KCNT2: variants seen among roughly 807,000 people sequenced by gnomAD.
KCNT2 encodes potassium sodium-activated channel subfamily T member 2.
A neutral mutation model predicts 153.8 loss-of-function variants in KCNT2; 67 were observed. The observed-to-expected ratio is 0.44, with a 90% CI of 0.36 to 0.53. The LOEUF is 0.53. KCNT2 is among the 20% of genes least tolerant of loss of function. KCNT2 has a pLI of 0.00. For synonymous variants in KCNT2, 500 were observed against 458.8 expected, an observed-to-expected ratio of 1.09 and a Z score of -1.15; for missense variants, 975 against 1,354.8, an observed-to-expected ratio of 0.72 and a Z score of 4.40.
At chr1:196,511,001 A>G (rs6690518) in intron 1 of KCNT2, among the ~76,000 whole-genome samples, 149,671 of 152,242 alleles carry the variant, frequency 0.98, 73,620 homozygotes, top group Middle Eastern at 1. Flanking sequence ...AAGTAATTCA[A>G]GATTCTGCAT....
chr1:196,415,301 T>C (rs1348931773), intron 12 of KCNT2, among the ~76,000 whole-genome samples: 1 of 151,846 alleles, frequency 6.6e-6, no homozygotes, highest in Non-Finnish European at 1.5e-5. Context: ...GAGTGTCCTT[T>C]GAGAGAACTG....
At chr1:196,230,289 A>G (rs532493106) in intron 27 of KCNT2, among the ~76,000 whole-genome samples, 65 of 152,144 alleles carry the variant, frequency 4.3e-4, no homozygotes, top group African/African-American at 1.5e-3. Flanking sequence ...TGCTCTGCCT[A>G]TGCTCCAGAA....
At chr1:196,257,187 C>T (rs1045586412) in intron 26 of KCNT2, 8 of 950,532 alleles carry the variant, frequency 8.4e-6, no homozygotes, top group Admixed American at 6.2e-5. Context: ...CAAGAATATA[C>T]ACATAAAGCA....
At chr1:196,485,181 C>A (rs1679321439) in intron 3 of KCNT2, among the ~76,000 whole-genome samples, 1 of 151,934 alleles carries the variant, frequency 6.6e-6, no homozygotes, top group Non-Finnish European at 1.5e-5. Context: ...TCATCCTCAG[C>A]AAACTAACAT....
At chr1:196,593,159 G>A (rs971170127) in intron 1 of KCNT2, among the ~76,000 whole-genome samples, 2 of 150,884 alleles carry the variant, frequency 1.3e-5, no homozygotes, top group South Asian at 4.2e-4. Flanking sequence ...CCACTTATGA[G>A]TGAGAACATA....
intron 1 of KCNT2, among the ~76,000 whole-genome samples, chr1:196,559,881 G>T (rs1659156392): frequency 6.6e-6 from 1 of 151,504 alleles, no homozygotes; most frequent in Non-Finnish European, 1.5e-5. Flanking sequence ...TTTTCTATGT[G>T]TATGTATGTG....
At chr1:196,252,305 T>C (rs778050317) in intron 26 of KCNT2, among the ~76,000 whole-genome samples, 2 of 151,772 alleles carry the variant, frequency 1.3e-5, no homozygotes, top group Non-Finnish European at 3.0e-5. Flanking sequence ...GCAGACCATA[T>C]GATAACTGTT....
intron 16 of KCNT2, among the ~76,000 whole-genome samples, chr1:196,337,219 T>C (rs913883554): frequency 6.6e-6 from 1 of 151,762 alleles, no homozygotes; most frequent in African/African-American, 2.4e-5. Context: ...TCTCTTTCCC[T>C]AGTTGCTTAA....
intron 2 of KCNT2, 111 bp downstream of exon 2, chr1:196,492,151 A>T (rs182922156): frequency 5.4e-6 from 6 of 1,117,872 alleles, no homozygotes; most frequent in Admixed American, 8.6e-5. Flanking sequence ...GCTGGAAAAA[A>T]TAACCAATTT....
At chr1:196,337,454 C>A (rs1381041413) in intron 16 of KCNT2, among the ~76,000 whole-genome samples, 1 of 152,076 alleles carries the variant, frequency 6.6e-6, no homozygotes, top group Non-Finnish European at 1.5e-5. Context: ...TAAAGCCTTG[C>A]AATAATTCCC....
At chr1:196,350,777 C>T (rs1484567360) in intron 14 of KCNT2, among the ~76,000 whole-genome samples, 2 of 152,038 alleles carry the variant, frequency 1.3e-5, no homozygotes, top group African/African-American at 4.8e-5. Context: ...AAGTCCTTGC[C>T]CATGCCTATG....
rs886400828 is a variant in KCNT2, at chr1:196,412,632, G to T, written c.1185+10418C>A. On this transcript the variant is annotated intron_variant, in intron 12 of 27. Transcript: ENST00000294725. ...GAAGCTCTACAAATAACAGTTAGCA[G>T]CCCCCTACCCCCCAGCACACACAAA... Among the ~76,000 whole-genome samples the T allele has an allele frequency of 5.9e-5, 9 of 151,334 alleles. No individual in the cohort carries two copies. In the Admixed American group the frequency reaches 6.0e-4, roughly 10 times the overall value.
At chr1:196,526,940 T>C (rs1225403533) in intron 1 of KCNT2, among the ~76,000 whole-genome samples, 4 of 151,914 alleles carry the variant, frequency 2.6e-5, no homozygotes, top group African/African-American at 9.7e-5. Flanking sequence ...ACAGCAGGAG[T>C]TGAACAAGCA....
At chr1:196,280,837 AG>A (rs759577840) in intron 25 of KCNT2, 22 bp downstream of exon 25, 48 of 1,603,170 alleles carry the variant, frequency 3.0e-5, no homozygotes, top group Non-Finnish European at 3.9e-5. Flanking sequence ...CATCAAAACA[AG>A]AATATTTTGT....
At chr1:196,592,440 A>G (rs372341365) in intron 1 of KCNT2, among the ~76,000 whole-genome samples, 1 of 148,542 alleles carries the variant, frequency 6.7e-6, no homozygotes, top group East Asian at 1.9e-4. Context: ...AATCTTATTC[A>G]TTCTAACTGT....
intron 1 of KCNT2, among the ~76,000 whole-genome samples, chr1:196,595,029 C>T (rs1197446017): frequency 6.6e-6 from 1 of 151,720 alleles, no homozygotes; most frequent in Non-Finnish European, 1.5e-5. Context: ...TTGACTGAGG[C>T]TCGAGTTAAG....
At chr1:196,565,758 A>G (rs1660032093) in intron 1 of KCNT2, among the ~76,000 whole-genome samples, 1 of 151,744 alleles carries the variant, frequency 6.6e-6, no homozygotes, top group Non-Finnish European at 1.5e-5. Context: ...TTATAAGTGG[A>G]ATCTACAAAA....
At chr1:196,505,224 C>T (rs559530664) in intron 1 of KCNT2, among the ~76,000 whole-genome samples, 3 of 152,142 alleles carry the variant, frequency 2.0e-5, no homozygotes, top group Admixed American at 6.5e-5. Flanking sequence ...TTAGGTCTAA[C>T]GTTTAAGTCT....
At chr1:196,588,081 C>A (rs1048484918) in intron 1 of KCNT2, among the ~76,000 whole-genome samples, 4 of 152,008 alleles carry the variant, frequency 2.6e-5, no homozygotes, top group Non-Finnish European at 2.9e-5. Flanking sequence ...GGGGCAAATT[C>A]TCTTTTATTG....
Sources: gnomAD v4.1 joint callset for allele counts (sites outside exome capture counted in the v4.1 genomes callset) on GRCh38, gnomAD v4.1.1 for gene constraint, MANE v1.5 for transcripts, NCBI Gene and HGNC (gene_info 2026-07-23, HGNC 2026-07-21) for gene names.